Variants in CTNNA1 observed in about 807,000 individuals in gnomAD.
The protein encoded by CTNNA1 is catenin alpha-1.
A neutral mutation model predicts 98.4 loss-of-function variants in CTNNA1; 37 were observed. The ratio of observed to expected loss-of-function variants is 0.38; its 90% CI spans 0.29 to 0.49. The LOEUF is 0.49. CTNNA1 is among the 20% of genes least tolerant of loss of function. CTNNA1 has a pLI of 0.95. For synonymous variants in CTNNA1, 404 were observed against 413.2 expected (o/e 0.98, Z 0.27); for missense variants, 761 against 1,147.2 (o/e 0.66, Z 4.86).
Position 138,917,832 on chromosome 5 carries a change from C to T in CTNNA1, c.1480C>T (p.Gln494Ter). The change falls in exon 11 of 18, where the codon CAA (glutamine) becomes TAA (stop). Residue 494 changes from glutamine (Q) to a stop codon, truncating the protein, a stop_gained. Transcript: ENST00000302763. LOFTEE classifies it high-confidence loss of function. ...TCTTTTTAAAGAACAATGGGAAAAACAAGTCCGTGTTCTCACAGATGCTGT... is the reference window on the plus strand; with the variant it reads ...TCTTTTTAAAGAACAATGGGAAAAATAAGTCCGTGTTCTCACAGATGCTGT... Reference protein sequence around the residue: ...MDLFKEQWEKQVRVLTDAVDD... With the variant: ...MDLFKEQWEK 6.2e-7 allele frequency: 1 copy of T among 1,614,152 alleles called. No individual in the cohort carries two copies. Among genetic ancestry groups the T allele is most frequent in the Non-Finnish European group, 8.5e-7 (1 of 1,180,028 alleles).
At chr5:138,780,647 A>G (rs2149646923) in intron 1 of CTNNA1, among the ~76,000 whole-genome samples, 1 of 151,872 alleles carries the variant, frequency 6.6e-6, no homozygotes, top group Non-Finnish European at 1.5e-5. Context: ...CCTCCCGAGT[A>G]GCTGGGATTA....
At chr5:138,860,854 G>T (rs762477219) in intron 7 of CTNNA1, among the ~76,000 whole-genome samples, 4 of 152,166 alleles carry the variant, frequency 2.6e-5, no homozygotes, top group African/African-American at 7.2e-5. Flanking sequence ...GGCTTGCAGG[G>T]TCTATCAGGA....
chr5:138,876,240 G>T (rs79480089), intron 7 of CTNNA1, among the ~76,000 whole-genome samples: 1,691 of 152,284 alleles, frequency 0.011, 25 homozygotes, highest in African/African-American at 0.039. Context: ...GAGGTTGGTG[G>T]TTGTGACACT....
chr5:138,829,897 G>C (rs113976343), intron 7 of CTNNA1, among the ~76,000 whole-genome samples: 1,874 of 151,670 alleles, frequency 0.012, 42 homozygotes, highest in African/African-American at 0.038. Context: ...TAAAAATACA[G>C]AAAAATTACC....
intron 1 of CTNNA1, among the ~76,000 whole-genome samples, chr5:138,776,039 C>CTTTTTTTTTTTTT (rs57467422): frequency 8.3e-5 from 7 of 83,880 alleles, no homozygotes; most frequent in Non-Finnish European, 1.3e-4. Context: ...GGAAATGTTT[C>CTTTTTTTTTTTTT]TTTTTTTTTT....
rs1401656721 is a variant in CTNNA1 at position 138,872,080 on chromosome 5, TGGAG to T, written c.1063-14127_1063-14124del. ...TGTGTGTGTGTGTGCGCTTTTAAAT[TGGAG>T]GGAGCATGTCAGGATTGTTAAATTG... On this transcript the variant is annotated intron_variant, in intron 7 of 17. Coordinates refer to ENST00000302763, the MANE Select transcript of CTNNA1 (RefSeq NM_001903.5). The T allele has an allele frequency of 1.4e-3, 210 of 147,948 alleles. 1 individual carries two copies. The highest frequency in any genetic ancestry group is 4.8e-3 in the African/African-American group (194 of 40,114). The allele number at this position is 147,948 out of a possible 1,614,324, so 9.2% of individuals were successfully genotyped here. A position where few individuals can be genotyped will look rare whatever the true frequency, so the allele number is the denominator to read the frequency against.
intron 10 of CTNNA1, among the ~76,000 whole-genome samples, chr5:138,911,462 C>T (rs987417585): frequency 6.6e-6 from 1 of 151,956 alleles, no homozygotes; most frequent in Non-Finnish European, 1.5e-5. Context: ...CAGTGGACCC[C>T]CCCCCAATAT....
chr5:138,758,274 T>C (rs920687007), intron 1 of CTNNA1, among the ~76,000 whole-genome samples: 3 of 152,226 alleles, frequency 2.0e-5, no homozygotes, highest in African/African-American at 7.2e-5. Flanking sequence ...CGATCTTGGC[T>C]CCCTGCAACC....
chr5:138,794,899 C>T (rs2149687862), intron 3 of CTNNA1, among the ~76,000 whole-genome samples: 1 of 152,208 alleles, frequency 6.6e-6, no homozygotes, highest in African/African-American at 2.4e-5. Flanking sequence ...CCTGTAATTC[C>T]AGCACTTTGG....
chr5:138,909,685 T>A (rs1055495089), intron 10 of CTNNA1, among the ~76,000 whole-genome samples: 1 of 152,208 alleles, frequency 6.6e-6, no homozygotes, highest in African/African-American at 2.4e-5. Context: ...GAGAAGTTAC[T>A]TCTGAAATTG....
At chr5:138,808,105 A>G (rs1758289768) in intron 3 of CTNNA1, among the ~76,000 whole-genome samples, 1 of 152,200 alleles carries the variant, frequency 6.6e-6, no homozygotes. Flanking sequence ...ATGGCTTTTC[A>G]GATAAATTCT....
At chr5:138,910,639 G>A (rs6890932) in intron 10 of CTNNA1, among the ~76,000 whole-genome samples, 52,270 of 151,742 alleles carry the variant, frequency 0.34, 9,836 homozygotes, top group African/African-American at 0.5. Context: ...CTGCCCCACA[G>A]ATTTTTATTA....
intron 3 of CTNNA1, among the ~76,000 whole-genome samples, chr5:138,795,151 CAAAAAA>C (rs35532090): frequency 1.2e-5 from 1 of 81,672 alleles, no homozygotes; most frequent in African/African-American, 4.8e-5. Context: ...GTGAGACTCT[CAAAAAA>C]AAAAAAAAAA....
intron 10 of CTNNA1, among the ~76,000 whole-genome samples, 189 bp from the exon 11 acceptor site, chr5:138,917,553 T>TA (rs1491299882): frequency 6.6e-6 from 1 of 152,244 alleles, no homozygotes; most frequent in African/African-American, 2.4e-5. Flanking sequence ...TATCATTGTC[T>TA]ATAGTTTGCA....
At chr5:138,892,118 A>G (rs1287700702) in intron 9 of CTNNA1, among the ~76,000 whole-genome samples, 1 of 152,082 alleles carries the variant, frequency 6.6e-6, no homozygotes, top group Non-Finnish European at 1.5e-5. Flanking sequence ...GATTCCCTAA[A>G]ATGTATAAAA....
intron 3 of CTNNA1, among the ~76,000 whole-genome samples, chr5:138,797,649 T>C (rs1311834310): frequency 6.6e-6 from 1 of 152,140 alleles, no homozygotes; most frequent in Non-Finnish European, 1.5e-5. Context: ...GCCCTATTTA[T>C]TGAGGTTTTT....
rs143761766 is a variant in CTNNA1, at chr5:138,775,209, A to T, written c.-2-6714A>T. 3.8e-3 allele frequency among the ~76,000 whole-genome samples: 585 copies of T among 152,272 alleles called. 2 individuals carry two copies. Among genetic ancestry groups the T allele is most frequent in the African/African-American group, 0.013 (554 of 41,562 alleles). ...AATGCAGTATCTCTGGAATGCTAGG[A>T]TATGTAGGATCCATAGGGCAAATAG... is the stretch of plus-strand genomic sequence containing the variant. On this transcript the variant is annotated intron_variant, in intron 1 of 17. Transcript: ENST00000302763.
At chr5:138,907,524 G>A (rs1401689466) in intron 10 of CTNNA1, among the ~76,000 whole-genome samples, 9 of 152,118 alleles carry the variant, frequency 5.9e-5, no homozygotes, top group African/African-American at 1.4e-4. Context: ...GCTGTCCCTC[G>A]GAGGAAGAGG....
At chr5:138,789,304 C>G (rs1316702591) in intron 3 of CTNNA1, among the ~76,000 whole-genome samples, 1 of 152,026 alleles carries the variant, frequency 6.6e-6, no homozygotes, top group Non-Finnish European at 1.5e-5. Context: ...GGTATTTGAG[C>G]TTGCACTGGA....
Sources: allele counts gnomAD v4.1 joint callset (sites outside exome capture counted in the v4.1 genomes callset), GRCh38; gene constraint gnomAD v4.1.1; transcripts MANE v1.5; gene names NCBI Gene and HGNC (gene_info 2026-07-23, HGNC 2026-07-21).